Variants in TBC1D5 observed in about 807,000 individuals in gnomAD.
The protein encoded by TBC1D5 is TBC1 domain family, member 5.
In TBC1D5, 75 loss-of-function variants were observed where a neutral mutation model predicts 100.3. The ratio of observed to expected loss-of-function variants is 0.75; its 90% CI spans 0.62 to 0.91. The LOEUF is 0.91. Among genes scored for constraint, TBC1D5 ranks in the 40% least tolerant of loss-of-function variants. The pLI, the probability that TBC1D5 is intolerant of heterozygous loss-of-function variation, is 0.00. For synonymous variants in TBC1D5, 323 were observed against 325.6 expected (o/e 0.99, Z 0.09); for missense variants, 910 against 942.4 (o/e 0.97, Z 0.45).
At chr3:17,325,094 G>T (rs2085918112) in intron 13 of TBC1D5, among the ~76,000 whole-genome samples, 1 of 152,008 alleles carries the variant, frequency 6.6e-6, no homozygotes, top group South Asian at 2.1e-4. Flanking sequence ...ACAACCCAGT[G>T]ATCTGTCTCC....
intron 16 of TBC1D5, among the ~76,000 whole-genome samples, chr3:17,255,913 G>A (rs1350252881): frequency 1.3e-5 from 2 of 152,140 alleles, no homozygotes; most frequent in Non-Finnish European, 2.9e-5. Context: ...GCGTGCGCCT[G>A]TAGTCCCAGC....
At chr3:17,735,915 G>T (rs1320149018) in intron 1 of TBC1D5, among the ~76,000 whole-genome samples, 3 of 152,144 alleles carry the variant, frequency 2.0e-5, no homozygotes, top group Admixed American at 6.5e-5. Flanking sequence ...TGAAAACAGG[G>T]CTCCCATACA....
At chr3:17,227,517 A>T (rs2075018957) in intron 17 of TBC1D5, among the ~76,000 whole-genome samples, 1 of 152,150 alleles carries the variant, frequency 6.6e-6, no homozygotes, top group South Asian at 2.1e-4. Context: ...AATTCTATAC[A>T]ACCATACAAA....
At chr3:17,610,179 C>T (rs527494751) in intron 2 of TBC1D5, among the ~76,000 whole-genome samples, 8 of 152,240 alleles carry the variant, frequency 5.3e-5, no homozygotes, top group Non-Finnish European at 1.0e-4. Flanking sequence ...TCTCATCTGG[C>T]GTCTCTTCCC....
At chr3:17,569,863 A>G (rs2096616041) in intron 2 of TBC1D5, among the ~76,000 whole-genome samples, 1 of 151,890 alleles carries the variant, frequency 6.6e-6, no homozygotes, top group African/African-American at 2.4e-5. Flanking sequence ...AACTTAATGC[A>G]TCAAAAAAGC....
chr3:17,338,274 G>A (rs779954693), intron 13 of TBC1D5, among the ~76,000 whole-genome samples: 43 of 152,264 alleles, frequency 2.8e-4, no homozygotes, highest in East Asian at 7.7e-4. Context: ...AAGATGACCC[G>A]TCTTTAGTTA....
chr3:17,399,190 ATTC>A (rs1409689904), intron 8 of TBC1D5, among the ~76,000 whole-genome samples: 1 of 152,136 alleles, frequency 6.6e-6, no homozygotes, highest in Non-Finnish European at 1.5e-5. Flanking sequence ...GAGTAAGTCC[ATTC>A]TTCTTCAGGG....
At chr3:17,714,369 T>C (rs1035441395) in intron 1 of TBC1D5, among the ~76,000 whole-genome samples, 4 of 152,096 alleles carry the variant, frequency 2.6e-5, no homozygotes, top group Admixed American at 2.0e-4. Context: ...TAGAGGGGAA[T>C]TTGGAAGACA....
intron 3 of TBC1D5, among the ~76,000 whole-genome samples, chr3:17,480,310 G>T (rs1010627225): frequency 6.6e-6 from 1 of 152,188 alleles, no homozygotes; most frequent in Non-Finnish European, 1.5e-5. Flanking sequence ...ACAGGCTCTC[G>T]GGCAGAAACA....
intron 21 of TBC1D5, among the ~76,000 whole-genome samples, chr3:17,163,013 A>G (rs912960999): frequency 6.6e-6 from 1 of 152,244 alleles, no homozygotes; most frequent in Admixed American, 6.5e-5. Context: ...CCTAGTTTTT[A>G]GAGTGGTGCC....
At position 17,183,134 on chromosome 3, in the gene TBC1D5, CAA is replaced by C. The variant is rs1454956271; in HGVS notation, c.1852+1973_1852+1974del. 2.0e-5 allele frequency among the ~76,000 whole-genome samples: 3 copies of C among 152,250 alleles called. No homozygotes were observed. In the East Asian group the frequency reaches 5.8e-4, roughly 29 times the overall value. ...CCCCCCAACTGGAGAGTATCTCAGA[CAA>C]CAGTCACTTTACAACCTAGCTCTGC... On this transcript the variant is annotated intron_variant, in intron 19 of 21. Transcript: ENST00000253692.
chr3:17,607,051 A>C (rs1408112981), intron 2 of TBC1D5, among the ~76,000 whole-genome samples: 1 of 152,214 alleles, frequency 6.6e-6, no homozygotes, highest in Non-Finnish European at 1.5e-5. Context: ...ATTAGATTAA[A>C]ATCAGTGATT....
At position 17,372,255 on chromosome 3, in the gene TBC1D5, C is replaced by G; in HGVS notation, c.823-8G>C. 1 of 1,595,744 alleles carries G rather than the reference C, an allele frequency of 6.3e-7. No homozygotes were observed. Among genetic ancestry groups the G allele is most frequent in the Non-Finnish European group, 8.5e-7 (1 of 1,171,608 alleles). On this transcript the variant is annotated splice_polypyrimidine_tract_variant and splice_region_variant and intron_variant, in intron 12 of 21. Transcript: ENST00000253692. ...CATCAGTGTTTCTTTCCCCTAAAAA[C>G]AGAAAAATTGAACATGTATTATTTA...
At chr3:17,397,593 T>C (rs2093542092) in intron 8 of TBC1D5, among the ~76,000 whole-genome samples, 1 of 152,110 alleles carries the variant, frequency 6.6e-6, no homozygotes. Flanking sequence ...CCCAGGCTGG[T>C]CTCAAATTCC....
intron 2 of TBC1D5, among the ~76,000 whole-genome samples, chr3:17,600,739 G>A (rs1303440829): frequency 6.6e-6 from 1 of 152,004 alleles, no homozygotes; most frequent in Non-Finnish European, 1.5e-5. Flanking sequence ...TGGAAATTCA[G>A]TAAAAGCTCT....
intron 15 of TBC1D5, among the ~76,000 whole-genome samples, chr3:17,280,100 A>G (rs1234224235): frequency 6.6e-6 from 1 of 152,216 alleles, no homozygotes; most frequent in Non-Finnish European, 1.5e-5. Context: ...GACAAAAAAC[A>G]TTGTCTTCAC....
chr3:17,634,440 G>A lies in TBC1D5; in HGVS notation c.-100-10527C>T, dbSNP rs1413744541. On this transcript the variant is annotated intron_variant, in intron 1 of 21. Transcript: ENST00000253692. Reference sequence around the variant, plus strand: ...CATCTGGAACAACATGGGTGGAACTGGAGGTCACTATGTTAACTGAAATAA... The same window carrying A: ...CATCTGGAACAACATGGGTGGAACTAGAGGTCACTATGTTAACTGAAATAA... Among the ~76,000 whole-genome samples, 3 of 152,130 alleles carry A rather than the reference G, an allele frequency of 2.0e-5. No homozygotes were observed. In the East Asian group the frequency reaches 5.8e-4, roughly 29 times the overall value.
chr3:17,273,420 G>A (rs953140393), intron 15 of TBC1D5, among the ~76,000 whole-genome samples: 2 of 152,054 alleles, frequency 1.3e-5, no homozygotes, highest in African/African-American at 4.8e-5. Flanking sequence ...TTCTGGTCCA[G>A]ATCCCTTCTT....
chr3:17,717,164 T>C (rs1022262942), intron 1 of TBC1D5, among the ~76,000 whole-genome samples: 1 of 152,056 alleles, frequency 6.6e-6, no homozygotes, highest in African/African-American at 2.4e-5. Context: ...TCTCTGACTC[T>C]AGGGTGTAAT....
Sources: allele counts gnomAD v4.1 joint callset (sites outside exome capture counted in the v4.1 genomes callset), GRCh38; gene constraint gnomAD v4.1.1; transcripts MANE v1.5; gene names NCBI Gene and HGNC (gene_info 2026-07-23, HGNC 2026-07-21).